The following ZMIZ1 variants were observed in gnomAD, a reference collection of about 807,000 sequenced individuals.
ZMIZ1 encodes zinc finger MIZ domain-containing protein 1.
Under a neutral mutation model 113.9 loss-of-function variants are expected in ZMIZ1, and 17 were observed. The observed-to-expected ratio is 0.15, with a 90% CI of 0.10 to 0.22. The LOEUF (loss-of-function observed/expected upper bound fraction) is 0.22, where lower values mean the gene tolerates loss of function less well. Among genes scored for constraint, ZMIZ1 ranks in the 10% least tolerant of loss-of-function variants. The pLI, the probability that ZMIZ1 is intolerant of heterozygous loss-of-function variation, is 1.00. For missense variants in ZMIZ1, 1,059 were observed against 1,477.8 expected, an observed-to-expected ratio of 0.72 and a Z score of 4.65; for synonymous variants, 607 against 603.1, an observed-to-expected ratio of 1.01 and a Z score of -0.09.
chr10:79,291,123 G>A lies in ZMIZ1; in HGVS notation c.705G>A (p.Gln235=). The change falls in exon 10 of 25, where the codon CAG becomes CAA. Residue 235 remains glutamine, a synonymous_variant. Transcript: ENST00000334512. ...AKAGPAQPYI[Q]QSMYGRPNYP... is the part of the protein sequence containing the mutation. ...CTGGCCCCGCTCAGCCCTACATCCA[G>A]CAGAGCATGTATGGCCGGCCCAACT... The A allele has an allele frequency of 1.2e-6, 2 of 1,614,112 alleles. No homozygotes were observed. The highest frequency in any genetic ancestry group is 8.5e-7 in the Non-Finnish European group (1 of 1,180,016).
rs1390330131 is a variant in ZMIZ1 at position 79,307,571 on chromosome 10, T to C, written c.2835T>C (p.Thr945=). 4 of 1,599,702 alleles carry C rather than the reference T, an allele frequency of 2.5e-6. No individual in the cohort carries two copies. Among genetic ancestry groups the C allele is most frequent in the Non-Finnish European group, 3.4e-6 (4 of 1,176,508 alleles). The change falls in exon 23 of 25, where the codon ACT becomes ACC. Residue 945 remains threonine, a splice_region_variant and synonymous_variant. Coordinates refer to ENST00000334512, the MANE Select transcript of ZMIZ1 (RefSeq NM_020338.4). ...CCCTCAGCCACCCCATGCAGGAAAC[T>C]GTGAGTACCTCCTCCTCACCCCATT... The part of the protein sequence containing the change: ...EKPLSHPMQE[T]MPHAGSSDQP...
chr10:79,208,208 A>G (rs933167959), intron 5 of ZMIZ1, 128 bp from the exon 6 acceptor site: 1 of 686,262 alleles, frequency 1.5e-6, no homozygotes, highest in African/African-American at 1.8e-5. Flanking sequence ...GATCCCAGCT[A>G]CCCCTTTACC....
At chr10:79,159,567 C>T (rs754584553) in intron 3 of ZMIZ1, among the ~76,000 whole-genome samples, 4 of 152,172 alleles carry the variant, frequency 2.6e-5, no homozygotes, top group Non-Finnish European at 4.4e-5. Flanking sequence ...ATTAGCTGTG[C>T]GACCTCAGGA....
chr10:79,296,684 G>A lies in ZMIZ1; in HGVS notation c.1413+31G>A. On this transcript the variant is annotated intron_variant, in intron 13 of 24. Coordinates refer to ENST00000334512, the MANE Select transcript of ZMIZ1 (RefSeq NM_020338.4). This position sits in a 1 kb window ranked among gnomAD's most constrained non-coding sequence, Gnocchi z 4.1. The stretch of plus-strand genomic sequence containing the variant: ...TCCCAGCCTCGCCACCACCCACGGG[G>A]CCCCTTCCCTCCTAACCACCTCACT... 1.3e-6 allele frequency: 2 copies of A among 1,520,282 alleles called. No homozygotes were observed. Among genetic ancestry groups the A allele is most frequent in the East Asian group, 2.3e-5 (1 of 42,674 alleles). 94.2% of individuals were successfully genotyped at this position (1,520,282 alleles called of 1,614,324 possible). A position where few individuals can be genotyped will look rare whatever the true frequency, so the allele number is the denominator to read the frequency against.
chr10:79,286,201 T>C (rs1435568263), intron 8 of ZMIZ1, among the ~76,000 whole-genome samples: 1 of 152,168 alleles, frequency 6.6e-6, no homozygotes, highest in African/African-American at 2.4e-5. Context: ...GAAGAAGGGC[T>C]CTCAGGCACC....
chr10:79,077,140 G>T (rs775594718), intron 1 of ZMIZ1, among the ~76,000 whole-genome samples: 2 of 152,282 alleles, frequency 1.3e-5, no homozygotes, highest in Middle Eastern at 3.4e-3. Flanking sequence ...GAGCCAGCTA[G>T]GCTCAGGACA....
At chr10:79,239,524 C>T (rs1293284506) in intron 7 of ZMIZ1, among the ~76,000 whole-genome samples, 1 of 152,222 alleles carries the variant, frequency 6.6e-6, no homozygotes, top group Non-Finnish European at 1.5e-5. Context: ...TTGCTCAGCC[C>T]TGCTGAATCA....
chr10:79,130,237 T>A (rs1198476300), intron 2 of ZMIZ1, among the ~76,000 whole-genome samples: 1 of 152,120 alleles, frequency 6.6e-6, no homozygotes, highest in African/African-American at 2.4e-5. Flanking sequence ...AAAGTCAGAA[T>A]TTTGAGGCTG....
chr10:79,157,368 G>GGTGT (rs10573955), intron 3 of ZMIZ1, among the ~76,000 whole-genome samples: 18,242 of 147,590 alleles, frequency 0.12, 1,446 homozygotes, highest in Non-Finnish European at 0.19. Context: ...AGGCATAAGG[G>GGTGT]GTGTGTGTGT....
At chr10:79,117,291 A>G (rs1253640525) in intron 1 of ZMIZ1, among the ~76,000 whole-genome samples, 1 of 152,272 alleles carries the variant, frequency 6.6e-6, no homozygotes, top group African/African-American at 2.4e-5. Flanking sequence ...TCTTGATAGG[A>G]GGAACTCCAG....
At chr10:79,184,617 C>G (rs1388691636) in intron 4 of ZMIZ1, among the ~76,000 whole-genome samples, 2 of 152,244 alleles carry the variant, frequency 1.3e-5, no homozygotes, top group African/African-American at 4.8e-5. Context: ...CCTTCCCACA[C>G]CTGATCCATG....
intron 4 of ZMIZ1, among the ~76,000 whole-genome samples, chr10:79,171,264 C>A (rs1846587727): frequency 2.6e-5 from 4 of 152,210 alleles, no homozygotes; most frequent in Admixed American, 2.6e-4. Flanking sequence ...GGGCTAATGC[C>A]AGAGAAGGAA....
chr10:79,153,836 C>G lies in ZMIZ1; in HGVS notation c.-130-8217C>G, dbSNP rs564874393. The stretch of plus-strand genomic sequence containing the variant: ...CACCCGCTAGCAAGAACAGGACTTT[C>G]CTTTGTCCGGCATTTTTAACTCTGG... On this transcript the variant is annotated intron_variant, in intron 3 of 24. Transcript: ENST00000334512. Among the ~76,000 whole-genome samples the G allele has an allele frequency of 6.6e-5, 10 of 152,370 alleles. No homozygotes were observed. The South Asian group carries it at 1.2e-3, about 19-fold the overall frequency.
chr10:79,146,610 G>C (rs978097763), intron 3 of ZMIZ1, among the ~76,000 whole-genome samples: 4 of 152,238 alleles, frequency 2.6e-5, no homozygotes, highest in African/African-American at 9.6e-5. Context: ...TGAGTTTGGG[G>C]ATTGTCCCTG....
At chr10:79,175,119 G>A (rs1846771245) in intron 4 of ZMIZ1, among the ~76,000 whole-genome samples, 1 of 152,232 alleles carries the variant, frequency 6.6e-6, no homozygotes, top group Non-Finnish European at 1.5e-5. Context: ...TGGGGACTCA[G>A]TGGCCTGTCT....
chr10:79,204,058 A>G (rs1360694630), intron 5 of ZMIZ1, among the ~76,000 whole-genome samples: 3 of 152,186 alleles, frequency 2.0e-5, no homozygotes, highest in African/African-American at 7.2e-5. Flanking sequence ...TCTGCTCCAC[A>G]GCTGCCCTAG....
chr10:79,223,806 CA>C (rs973260016), intron 7 of ZMIZ1, among the ~76,000 whole-genome samples: 1 of 152,166 alleles, frequency 6.6e-6, no homozygotes, highest in Non-Finnish European at 1.5e-5. Context: ...TGGCCTGGGC[CA>C]GGGGCCCTGG....
rs969585864 is a variant in ZMIZ1 at position 79,311,156 on chromosome 10, C to T, written c.3068C>T (p.Ala1023Val). ...GAGGGTCAGGCCGGAGCGCAGGGAGCGTCCGACATGCCGGAGCCTTCGCTG... is the reference window on the plus strand; with the variant it reads ...GAGGGTCAGGCCGGAGCGCAGGGAGTGTCCGACATGCCGGAGCCTTCGCTG... ...ALEGQAGAQG[A>V]SDMPEPSLDL... Residue 1023 changes from alanine (A) to valine (V), a missense_variant, in exon 24 of 25, where the codon GCG (alanine) becomes GTG (valine). This residue lies in a region of ZMIZ1 where 225 missense variants were observed against 276.0 expected (regional missense o/e 0.82). Coordinates refer to ENST00000334512, the MANE Select transcript of ZMIZ1 (RefSeq NM_020338.4). 4.3e-6 allele frequency: 7 copies of T among 1,612,920 alleles called. No homozygotes were observed. The African/African-American group carries it at 5.3e-5, about 12-fold the overall frequency.
chr10:79,121,945 A>C (rs975838373), intron 2 of ZMIZ1, among the ~76,000 whole-genome samples: 2 of 152,194 alleles, frequency 1.3e-5, no homozygotes, highest in Non-Finnish European at 2.9e-5. Context: ...AGTCTCCTAG[A>C]ATTAGGGCCA....
Sources: allele counts gnomAD v4.1 joint callset (sites outside exome capture counted in the v4.1 genomes callset), GRCh38; gene constraint gnomAD v4.1.1; regional missense constraint gnomAD v4.1.1; non-coding constraint Gnocchi (gnomAD v3.1); transcripts MANE v1.5; gene names NCBI Gene and HGNC (gene_info 2026-07-23, HGNC 2026-07-21).